The following TAS2R1 variants were observed in gnomAD, a reference collection of about 807,000 sequenced individuals.
TAS2R1 encodes taste receptor type 2 member 1.
For missense variants in TAS2R1, 370 were observed against 353.4 expected (o/e 1.05, Z -0.38); for synonymous variants, 141 against 134.2 (o/e 1.05, Z -0.35).
At chr5:9,892,117 T>C in the TAS2R1 span, among the ~76,000 whole-genome samples, 2 of 152,134 alleles carry the variant, frequency 1.3e-5, no homozygotes, top group Non-Finnish European at 2.9e-5. Flanking sequence ...CCACAATCCC[T>C]TTGACCCAGG....
chr5:9,892,404 C>T, the TAS2R1 span, among the ~76,000 whole-genome samples: 2 of 152,186 alleles, frequency 1.3e-5, 1 homozygote, highest in East Asian at 3.8e-4. Flanking sequence ...TGTTTTTCTT[C>T]CCATTCCTTC....
the TAS2R1 span, among the ~76,000 whole-genome samples, chr5:9,840,986 T>C: frequency 6.6e-6 from 1 of 151,716 alleles, no homozygotes; most frequent in African/African-American, 2.4e-5. Flanking sequence ...GCCATTCTCC[T>C]GCCTCAGCTC....
At chr5:9,750,017 G>A in the TAS2R1 span, among the ~76,000 whole-genome samples, 2 of 152,156 alleles carry the variant, frequency 1.3e-5, no homozygotes, top group Admixed American at 6.5e-5. Flanking sequence ...GGTTGCAGGA[G>A]GCAGATCTGT....
At chr5:9,742,242 G>A in the TAS2R1 span, among the ~76,000 whole-genome samples, 1 of 152,158 alleles carries the variant, frequency 6.6e-6, no homozygotes, top group Admixed American at 6.5e-5. Context: ...TTTGCTAACA[G>A]ATGATTTGCA....
the TAS2R1 span, among the ~76,000 whole-genome samples, chr5:9,743,762 C>T: frequency 6.6e-6 from 1 of 152,118 alleles, no homozygotes; most frequent in African/African-American, 2.4e-5. Flanking sequence ...ACTAAGTGCA[C>T]AGTCTTACCA....
chr5:9,772,742 TATATG>T, the TAS2R1 span, among the ~76,000 whole-genome samples: 3 of 152,104 alleles, frequency 2.0e-5, no homozygotes, highest in Non-Finnish European at 4.4e-5. Context: ...CCTTTATTGT[TATATG>T]ATATCCTTTG....
At chr5:9,751,537 A>G in the TAS2R1 span, among the ~76,000 whole-genome samples, 1 of 152,210 alleles carries the variant, frequency 6.6e-6, no homozygotes, top group African/African-American at 2.4e-5. Flanking sequence ...GGTCAGAGAA[A>G]CATCTGTTAT....
At chr5:9,856,446 C>T in the TAS2R1 span, among the ~76,000 whole-genome samples, 1 of 152,198 alleles carries the variant, frequency 6.6e-6, no homozygotes, top group East Asian at 1.9e-4. Context: ...TCCTCTCTCA[C>T]ATCTTTGCAG....
chr5:9,733,989 A>G, the TAS2R1 span, among the ~76,000 whole-genome samples: 13 of 152,234 alleles, frequency 8.5e-5, no homozygotes, highest in Non-Finnish European at 1.5e-4. Context: ...CTTCTCCCTG[A>G]AAATTTGGAT....
the TAS2R1 span, among the ~76,000 whole-genome samples, chr5:9,768,098 C>T: frequency 6.6e-6 from 1 of 152,104 alleles, no homozygotes; most frequent in African/African-American, 2.4e-5. Context: ...TTGTCCATTA[C>T]CCATCCAGCA....
At chr5:9,785,720 G>T in the TAS2R1 span, among the ~76,000 whole-genome samples, 23 of 152,136 alleles carry the variant, frequency 1.5e-4, no homozygotes, top group Non-Finnish European at 2.6e-4. Context: ...GCCCAAGGAG[G>T]TTAAAGTCTC....
At chr5:9,861,673 G>T in the TAS2R1 span, among the ~76,000 whole-genome samples, 1 of 152,190 alleles carries the variant, frequency 6.6e-6, no homozygotes, top group Admixed American at 6.5e-5. Flanking sequence ...GTAGAATCAA[G>T]GTGGTACAGA....
At chr5:9,693,591 C>A (rs1331633255) in intron 1 of TAS2R1, among the ~76,000 whole-genome samples, 2 of 145,692 alleles carry the variant, frequency 1.4e-5, no homozygotes, top group Non-Finnish European at 1.5e-5. Flanking sequence ...TGGTCTCTTG[C>A]AGACATTTGC....
rs1233567335 is a variant in TAS2R1 at position 9,629,224 on chromosome 5, G to A, written c.809C>T (p.Pro270Leu). The A allele has an allele frequency of 2.5e-6, 4 of 1,611,054 alleles. No individual in the cohort carries two copies. In the East Asian group the frequency reaches 8.9e-5, roughly 36 times the overall value. ...AATTAAGATGAGAGAGTGTCCAGAAGGGTATATACCAATCACAAGGATGAA... is the reference window on the plus strand; with the variant it reads ...AATTAAGATGAGAGAGTGTCCAGAAAGGTATATACCAATCACAAGGATGAA... ...LFFILVIGIY[P>L]SGHSLILILG... Residue 270 changes from proline to leucine, a missense_variant, in exon 1 of 1, where the codon CCT becomes CTT. By Grantham distance (98) the Pro-to-Leu change is moderately conservative. Transcript: ENST00000382492.
At chr5:9,736,247 C>T in the TAS2R1 span, among the ~76,000 whole-genome samples, 1 of 152,212 alleles carries the variant, frequency 6.6e-6, no homozygotes, top group Non-Finnish European at 1.5e-5. Context: ...AGATTTCAAT[C>T]TTCTCAGCCT....
intron 2 of TAS2R1, among the ~76,000 whole-genome samples, chr5:9,642,741 A>C (rs1395247767): frequency 6.6e-6 from 1 of 152,222 alleles, no homozygotes; most frequent in Non-Finnish European, 1.5e-5. Flanking sequence ...GGAGCAATGC[A>C]ATACATTGAA....
intron 2 of TAS2R1, among the ~76,000 whole-genome samples, chr5:9,635,850 A>T (rs1281513296): frequency 6.6e-6 from 1 of 151,910 alleles, no homozygotes; most frequent in African/African-American, 2.4e-5. Context: ...AATCTCACTA[A>T]TGGTCTATCA....
the TAS2R1 span, among the ~76,000 whole-genome samples, chr5:9,758,255 A>G: frequency 2.0e-5 from 3 of 152,212 alleles, no homozygotes; most frequent in African/African-American, 4.8e-5. Context: ...CTAATTTATT[A>G]ATATCTCCTG....
At chr5:9,809,321 C>T in the TAS2R1 span, among the ~76,000 whole-genome samples, 4 of 152,154 alleles carry the variant, frequency 2.6e-5, no homozygotes, top group African/African-American at 9.7e-5. Context: ...ATGTTACGGA[C>T]TGAATATTTG....
Sources: gnomAD v4.1 joint callset for allele counts (sites outside exome capture counted in the v4.1 genomes callset) on GRCh38, gnomAD v4.1.1 for gene constraint, MANE v1.5 for transcripts, NCBI Gene and HGNC (gene_info 2026-07-23, HGNC 2026-07-21) for gene names.